Variants in SFSWAP observed in about 807,000 individuals in gnomAD.
SFSWAP encodes the protein splicing factor SWAP.
Under a neutral mutation model 100.7 loss-of-function variants are expected in SFSWAP, and 17 were observed. The observed-to-expected ratio is 0.17, with a 90% confidence interval of 0.12 to 0.25. The LOEUF (loss-of-function observed/expected upper bound fraction) is 0.25, where lower values mean the gene tolerates loss of function less well. SFSWAP is among the 10% of genes least tolerant of loss of function. The probability of loss-of-function intolerance (pLI) is 1.00; values close to 1 mark genes in which losing one functional copy is unlikely to be tolerated. For missense variants in SFSWAP, 1,005 were observed against 1,262.6 expected, an observed-to-expected ratio of 0.80 and a Z score of 3.09; for synonymous variants, 504 against 510.1, an observed-to-expected ratio of 0.99 and a Z score of 0.16.
At chr12:131,766,517 C>G (rs2136239539) in intron 13 of SFSWAP, among the ~76,000 whole-genome samples, 1 of 152,340 alleles carries the variant, frequency 6.6e-6, no homozygotes, top group South Asian at 2.1e-4. Flanking sequence ...CACAGTCACG[C>G]CAGCAGCAAA....
Position 131,743,276 on chromosome 12 carries a change from A to G in SFSWAP, c.1082-9847A>G, listed in dbSNP as rs138951774. Among the ~76,000 whole-genome samples, 7 of 152,364 alleles carry G rather than the reference A, an allele frequency of 4.6e-5. No homozygotes were observed. The East Asian group carries it at 1.4e-3, about 29-fold the overall frequency. On this transcript the variant is annotated intron_variant, in intron 7 of 17. Coordinates refer to ENST00000261674, the MANE Select transcript of SFSWAP (RefSeq NM_004592.4). ...GCATTAACTCAAAGTCCACAGTCCAACATCTCATCTGAGACAAGGCAAGTT... is the reference window on the plus strand; with the variant it reads ...GCATTAACTCAAAGTCCACAGTCCAGCATCTCATCTGAGACAAGGCAAGTT...
intron 7 of SFSWAP, among the ~76,000 whole-genome samples, chr12:131,736,190 A>T (rs1314463917): frequency 6.6e-6 from 1 of 152,196 alleles, no homozygotes; most frequent in African/African-American, 2.4e-5. Flanking sequence ...ATAAGGACGG[A>T]GAAAAGGAAA....
chr12:131,765,995 A>T, intron 12 of SFSWAP, 123 bp from the exon 13 acceptor site: 1 of 903,856 alleles, frequency 1.1e-6, no homozygotes, highest in Non-Finnish European at 1.7e-6. Flanking sequence ...TGTCCAATGT[A>T]TGTACCTATT....
In SFSWAP at chr12:131,711,623, A is replaced by G. The variant is rs1056970825; in HGVS notation, c.218+176A>G. On this transcript the variant is annotated intron_variant, in intron 1 of 17. Transcript: ENST00000261674. The surrounding 1 kb of genome is among the most constrained non-coding windows in gnomAD (Gnocchi z 4.9). ...TGTTCTGGTGGGGAGGGGGACGGTG[A>G]AACCTGCCCTAAGGCACTGGCTGGA... 1.2e-5 allele frequency: 7 copies of G among 608,054 alleles called. No individual in the cohort carries two copies. The highest frequency in any genetic ancestry group is 7.4e-5 in the African/African-American group (4 of 53,964). The allele number at this position is 608,054 out of a possible 1,614,324, so 37.7% of individuals were successfully genotyped here.
At chr12:131,755,343 C>A in intron 9 of SFSWAP, 43 bp from the exon 10 acceptor site, 1 of 1,389,308 alleles carries the variant, frequency 7.2e-7, no homozygotes. Context: ...CTTCAGTGAG[C>A]TTGTCTTGGT....
chr12:131,724,467 A>AATGTTCAAAAATTAAT (rs1878773637), intron 4 of SFSWAP, among the ~76,000 whole-genome samples: 1 of 152,270 alleles, frequency 6.6e-6, no homozygotes, highest in Non-Finnish European at 1.5e-5. Flanking sequence ...GGATGTTATT[A>AATGTTCAAAAATTAAT]GTTCAAAAAT....
At chr12:131,717,434 C>T (rs972857976) in intron 3 of SFSWAP, among the ~76,000 whole-genome samples, 2 of 152,012 alleles carry the variant, frequency 1.3e-5, no homozygotes, top group African/African-American at 4.8e-5. Context: ...GGGACAGGCC[C>T]TCACTGCTAT....
Position 131,725,344 on chromosome 12 carries a change from A to G in SFSWAP, c.607-61A>G. 5 of 1,356,422 alleles carry G rather than the reference A, an allele frequency of 3.7e-6. No homozygotes were observed. Among genetic ancestry groups the G allele is most frequent in the Non-Finnish European group, 5.3e-6 (5 of 946,300 alleles). The allele number at this position is 1,356,422 out of a possible 1,614,324, so 84.0% of individuals were successfully genotyped here. A position where few individuals can be genotyped will look rare whatever the true frequency, so the allele number is the denominator to read the frequency against. On this transcript the variant is annotated intron_variant, in intron 4 of 17. Coordinates refer to ENST00000261674, the MANE Select transcript of SFSWAP (RefSeq NM_004592.4). The surrounding 1 kb of genome is among the most constrained non-coding windows in gnomAD (Gnocchi z 4.3). The stretch of plus-strand genomic sequence containing the variant: ...AGAGTCATTTCTATGTTTTAATGAA[A>G]TCACGTGGCCGGTGGACAAGAGGAC...
intron 5 of SFSWAP, among the ~76,000 whole-genome samples, chr12:131,726,447 T>C (rs1448462742): frequency 6.6e-6 from 1 of 152,176 alleles, no homozygotes; most frequent in East Asian, 1.9e-4. Context: ...TGACCTCAGG[T>C]GATCCACCCG....
chr12:131,787,170 C>T (rs900152462), intron 15 of SFSWAP, among the ~76,000 whole-genome samples: 11 of 152,158 alleles, frequency 7.2e-5, no homozygotes, highest in African/African-American at 2.7e-4. Flanking sequence ...CAAGTAGAAG[C>T]CCCAGCCGTG....
At chr12:131,755,682 C>G (rs1882090946) in intron 10 of SFSWAP, among the ~76,000 whole-genome samples, 1 of 152,190 alleles carries the variant, frequency 6.6e-6, no homozygotes, top group Non-Finnish European at 1.5e-5. Context: ...TGCCCACGTT[C>G]ACAGCATTGA....
chr12:131,720,269 A>G (rs1010845354), intron 4 of SFSWAP, among the ~76,000 whole-genome samples: 1 of 152,212 alleles, frequency 6.6e-6, no homozygotes, highest in South Asian at 2.1e-4. Flanking sequence ...AATGCTAACA[A>G]CCCTATAAGC....
chr12:131,714,433 A>G lies in SFSWAP; in HGVS notation c.388+193A>G. 1.8e-6 allele frequency: 1 copy of G among 541,722 alleles called. No homozygotes were observed. Among genetic ancestry groups the G allele is most frequent in the Non-Finnish European group, 3.2e-6 (1 of 314,494 alleles). The allele number at this position is 541,722 out of a possible 1,614,324, so 33.6% of individuals were successfully genotyped here. A position where few individuals can be genotyped will look rare whatever the true frequency, so the allele number is the denominator to read the frequency against. On this transcript the variant is annotated intron_variant, in intron 2 of 17. Transcript: ENST00000261674. This position sits in a 1 kb window ranked among gnomAD's most constrained non-coding sequence, Gnocchi z 6.0. ...TAGTTTATATATAGAGCCACAAAGA[A>G]TTTTCCCAGCTTTTGAGGGCAGACT...
chr12:131,786,717 CA>C lies in SFSWAP; in HGVS notation c.2534+130del. ...CAGAGGGAGGTGCTGAGTCCCCCAC[CA>C]CCCCCCCACCCCCAGTGGCATGGCC... On this transcript the variant is annotated intron_variant, in intron 15 of 17. Transcript: ENST00000261674. 4 of 902,204 alleles carry C rather than the reference CA, an allele frequency of 4.4e-6. No individual in the cohort carries two copies. In the East Asian group the frequency reaches 1.1e-4, roughly 24 times the overall value. 55.9% of individuals were successfully genotyped at this position (902,204 alleles called of 1,614,324 possible).
rs149024361 is a variant in SFSWAP, at chr12:131,741,706, G to A, written c.1082-11417G>A. On this transcript the variant is annotated intron_variant, in intron 7 of 17. Transcript: ENST00000261674. ...ATGGCTGTACAAGAACAGGGAGAGC[G>A]CCTGCTGGACCCTGCCTCACAGCCT... is the stretch of plus-strand genomic sequence containing the variant. 4.6e-3 allele frequency among the ~76,000 whole-genome samples: 690 copies of A among 151,234 alleles called. 4 individuals carry two copies. The highest frequency in any genetic ancestry group is 8.2e-3 in the Non-Finnish European group (559 of 67,908).
At chr12:131,763,994 CGGG>C (rs1882893979) in intron 11 of SFSWAP, among the ~76,000 whole-genome samples, 2 of 152,126 alleles carry the variant, frequency 1.3e-5, no homozygotes, top group African/African-American at 4.8e-5. Context: ...GGCATGGCAG[CGGG>C]CGCCTGTACT....
chr12:131,750,671 T>G (rs2136220275), intron 7 of SFSWAP, among the ~76,000 whole-genome samples: 1 of 152,308 alleles, frequency 6.6e-6, no homozygotes, highest in South Asian at 2.1e-4. Flanking sequence ...GTTTCATTTT[T>G]ACACCTACAG....
chr12:131,798,175 G>A (rs533616810), intron 16 of SFSWAP, among the ~76,000 whole-genome samples: 5 of 152,170 alleles, frequency 3.3e-5, no homozygotes, highest in East Asian at 1.9e-4. Context: ...TAGGTGGCAC[G>A]CGTCTGTAAT....
chr12:131,724,433 A>T (rs897385242), intron 4 of SFSWAP, among the ~76,000 whole-genome samples: 11 of 152,372 alleles, frequency 7.2e-5, no homozygotes, highest in East Asian at 5.8e-4. Flanking sequence ...ATAATTGTAG[A>T]CATCTATCCT....
Sources: gnomAD v4.1 joint callset for allele counts (sites outside exome capture counted in the v4.1 genomes callset) on GRCh38, gnomAD v4.1.1 for gene constraint, Gnocchi (gnomAD v3.1) non-coding constraint, MANE v1.5 for transcripts, NCBI Gene and HGNC (gene_info 2026-07-23, HGNC 2026-07-21) for gene names.